The following CCNB1 variants were observed in gnomAD, a reference collection of about 807,000 sequenced individuals.
CCNB1 encodes cyclin B1, also known as G2/mitotic-specific cyclin-B1.
In CCNB1, 26 loss-of-function variants were observed where a neutral mutation model predicts 44.4. That is an observed-to-expected ratio of 0.59 (90% CI 0.43 to 0.81). CCNB1 has a LOEUF of 0.81. Among genes scored for constraint, CCNB1 ranks in the 40% least tolerant of loss-of-function variants. The pLI is 0.00. For missense variants in CCNB1, 477 were observed against 520.9 expected (o/e 0.92, Z 0.82); for synonymous variants, 195 against 181.4 (o/e 1.08, Z -0.60).
chr5:69,174,900 G>T lies in CCNB1; in HGVS notation c.729G>T (p.Met243Ile). The change falls in exon 6 of 9, where the codon ATG becomes ATT. Residue 243 changes from methionine (M) to isoleucine (I), a missense_variant. Coordinates refer to ENST00000256442, the MANE Select transcript of CCNB1 (RefSeq NM_031966.4). ...FMQNNCVPKK[M>I]LQLVGVTAMF... is the part of the protein sequence containing the mutation. The stretch of plus-strand genomic sequence containing the variant: ...AGAATAATTGTGTGCCCAAGAAGAT[G>T]CTGCAGCTGGTTGGTGTCACTGCCA... 1 of 1,614,004 alleles carries T rather than the reference G, an allele frequency of 6.2e-7. No homozygotes were observed. The highest frequency in any genetic ancestry group is 8.5e-7 in the Non-Finnish European group (1 of 1,179,904).
chr5:69,172,867 G>A (rs1410429148), intron 4 of CCNB1, among the ~76,000 whole-genome samples: 5 of 148,772 alleles, frequency 3.4e-5, no homozygotes, highest in African/African-American at 9.9e-5. Context: ...TCTGTCTCCC[G>A]GGTTCACGCC....
At chr5:69,177,055 T>G (rs968639488) in intron 7 of CCNB1, 184 bp from the exon 8 acceptor site, 5 of 444,160 alleles carry the variant, frequency 1.1e-5, no homozygotes, top group East Asian at 3.5e-5. Flanking sequence ...AAAGTGCAAT[T>G]AGGTTTGAGC....
rs1747623857 is a variant in CCNB1 at position 69,177,538 on chromosome 5, G to C, written c.1209G>C (p.Lys403Asn). 2 of 1,611,386 alleles carry C rather than the reference G, an allele frequency of 1.2e-6. No homozygotes were observed. Among genetic ancestry groups the C allele is most frequent in the Non-Finnish European group, 1.7e-6 (2 of 1,178,084 alleles). The change falls in exon 9 of 9, where the codon AAG becomes AAC. Residue 403 changes from lysine (K) to asparagine (N), a missense_variant. Physicochemically the swap from Lys to Asn is moderately conservative, Grantham distance 94. Transcript: ENST00000256442. ...TTGTCTTCCAGACTGTCAAGAACAA[G>C]TATGCCACATCGAAGCATGCTAAGA... is the stretch of plus-strand genomic sequence containing the variant. Reference protein sequence around the residue: ...GLTKHMTVKNKYATSKHAKIS... With the variant: ...GLTKHMTVKNNYATSKHAKIS...
Position 69,168,328 on chromosome 5 carries a change from G to T in CCNB1, c.348G>T (p.Ser116=). ...AGCCTGTTAAAGAAGAAAAACTTTC[G>T]CCTGAGCCTATTTTGGTAAACTTAT... ...EPEPVKEEKL[S]PEPILVDTAS... is the part of the protein sequence containing the mutation. Residue 116 remains serine (S), a synonymous_variant, in exon 3 of 9, where the codon TCG becomes TCT. Coordinates refer to ENST00000256442, the MANE Select transcript of CCNB1 (RefSeq NM_031966.4). 2.5e-6 allele frequency: 4 copies of T among 1,614,114 alleles called. No individual in the cohort carries two copies. The highest frequency in any genetic ancestry group is 3.4e-6 in the Non-Finnish European group (4 of 1,180,000).
Position 69,177,610 on chromosome 5 carries a change from C to T in CCNB1, c.1281C>T (p.Ala427=), listed in dbSNP as rs750532828. The T allele has an allele frequency of 4.3e-6, 7 of 1,611,474 alleles. No individual in the cohort carries two copies. Among genetic ancestry groups the T allele is most frequent in the Non-Finnish European group, 5.1e-6 (6 of 1,177,898 alleles). ...ATTCTGCACTAGTTCAAGATTTAGC[C>T]AAGGCTGTGGCAAAGGTGTAACTTG... ...QLNSALVQDL[A]KAVAKV Residue 427 remains alanine (A), a synonymous_variant, in exon 9 of 9, where the codon GCC becomes GCT. Transcript: ENST00000256442.
In CCNB1 at chr5:69,167,227, C is replaced by T. The variant is rs774670450; in HGVS notation, c.-36C>T. 1.9e-6 allele frequency: 3 copies of T among 1,545,604 alleles called. No individual in the cohort carries two copies. Among genetic ancestry groups the T allele is most frequent in the Admixed American group, 1.9e-5 (1 of 51,984 alleles). The stretch of plus-strand genomic sequence containing the variant: ...TGGTCGGGCCTCCGGTGTTCTGCTT[C>T]TCCCCGCTGAGCTGCTGCCTGGTGA... On this transcript the variant is annotated 5_prime_UTR_variant, in exon 1 of 9. Coordinates refer to ENST00000256442, the MANE Select transcript of CCNB1 (RefSeq NM_031966.4).
Position 69,177,688 on chromosome 5 carries a change from T to A in CCNB1, c.*57T>A. The A allele has an allele frequency of 2.9e-5, 29 of 986,656 alleles. No individual in the cohort carries two copies. The highest frequency in any genetic ancestry group is 4.5e-5 in the Non-Finnish European group (28 of 620,222). 61.1% of individuals were successfully genotyped at this position (986,656 alleles called of 1,614,324 possible). ...CAAATAAAATTGGCACCATGTGCCA[T>A]CTGTACATATTACTGTTGCATTTAC... On this transcript the variant is annotated 3_prime_UTR_variant, in exon 9 of 9. Coordinates refer to ENST00000256442, the MANE Select transcript of CCNB1 (RefSeq NM_031966.4).
At position 69,171,308 on chromosome 5, in the gene CCNB1, A is replaced by T. The variant is rs1350662844; in HGVS notation, c.402A>T (p.Gly134=). The T allele has an allele frequency of 1.9e-6, 3 of 1,613,348 alleles. No homozygotes were observed. The highest frequency in any genetic ancestry group is 1.1e-5 in the South Asian group (1 of 90,822). ...TASPSPMETS[G]CAPAEEDLCQ... ...CTCCAAGCCCAATGGAAACATCTGG[A>T]TGTGCCCCTGCAGAAGAAGACCTGT... is the stretch of plus-strand genomic sequence containing the variant. Residue 134 remains glycine, a synonymous_variant, in exon 4 of 9, where the codon GGA becomes GGT. Coordinates refer to ENST00000256442, the MANE Select transcript of CCNB1 (RefSeq NM_031966.4).
At chr5:69,168,136 A>G (rs749741212) in intron 2 of CCNB1, 37 bp from the exon 3 acceptor site, 11 of 1,611,446 alleles carry the variant, frequency 6.8e-6, no homozygotes, top group Non-Finnish European at 9.3e-6. Flanking sequence ...GTGGCCTTTG[A>G]TGCAGAAACA....
At chr5:69,176,573 T>C (rs1332880300) in intron 7 of CCNB1, among the ~76,000 whole-genome samples, 2 of 150,426 alleles carry the variant, frequency 1.3e-5, no homozygotes, top group Non-Finnish European at 1.5e-5. Flanking sequence ...GGTTTCACCG[T>C]GTTAGCCAGG....
At position 69,174,287 on chromosome 5, in the gene CCNB1, C is replaced by T. The variant is rs756578719; in HGVS notation, c.583C>T (p.Arg195Trp). The change falls in exon 5 of 9, where the codon CGG (arginine) becomes TGG (tryptophan). Residue 195 changes from arginine (R) to tryptophan (W), a missense_variant. Arg to Trp is a moderately radical substitution (Grantham distance 101). Coordinates refer to ENST00000256442, the MANE Select transcript of CCNB1 (RefSeq NM_031966.4). ...QAVRPKYLLG[R>W]EVTGNMRAIL... ...AGTCAGACCAAAATACCTACTGGGT[C>T]GGGAAGTCACTGGAAACATGAGAGC... is the stretch of plus-strand genomic sequence containing the variant. 1.7e-5 allele frequency: 28 copies of T among 1,613,938 alleles called. No individual in the cohort carries two copies. The highest frequency in any genetic ancestry group is 8.0e-5 in the African/African-American group (6 of 74,878).
chr5:69,177,142 C>A, intron 7 of CCNB1, 97 bp from the exon 8 acceptor site: 1 of 660,528 alleles, frequency 1.5e-6, no homozygotes, highest in South Asian at 1.8e-5. Context: ...TATACAGTAC[C>A]CATCTCTTTT....
rs146181241 is a variant in CCNB1, at chr5:69,167,851, C to T, written c.22-57C>T. 470 of 1,494,894 alleles carry T rather than the reference C, an allele frequency of 3.1e-4. 4 individuals carry two copies. The East Asian group carries it at 9.0e-3, about 29-fold the overall frequency. The allele number at this position is 1,494,894 out of a possible 1,614,324, so 92.6% of individuals were successfully genotyped here. ...CTCCTTGTGCCCCACCTTAATTAAC[C>T]CTTGACTTACTCGAGCCTTCGTGGA... On this transcript the variant is annotated intron_variant, in intron 1 of 8. Coordinates refer to ENST00000256442, the MANE Select transcript of CCNB1 (RefSeq NM_031966.4).
At chr5:69,173,174 A>T (rs1747502215) in intron 4 of CCNB1, among the ~76,000 whole-genome samples, 1 of 152,194 alleles carries the variant, frequency 6.6e-6, no homozygotes, top group African/African-American at 2.4e-5. Flanking sequence ...CCAAGGAATT[A>T]GGCAGATAAA....
chr5:69,167,350 T>C, intron 1 of CCNB1, 67 bp downstream of exon 1: 1 of 1,565,082 alleles, frequency 6.4e-7, no homozygotes, highest in Non-Finnish European at 8.7e-7. Context: ...CTGCCTCGCC[T>C]GCGGGAGCCT....
At position 69,168,031 on chromosome 5, in the gene CCNB1, G is replaced by A; in HGVS notation, c.145G>A (p.Gly49Ser). 1 of 1,614,130 alleles carries A rather than the reference G, an allele frequency of 6.2e-7. No individual in the cohort carries two copies. Among genetic ancestry groups the A allele is most frequent in the Non-Finnish European group, 8.5e-7 (1 of 1,180,028 alleles). ...LRPRTALGDIGNKVSEQLQAK... is the reference protein window; with the variant it reads ...LRPRTALGDISNKVSEQLQAK... ...GCCAAGAACAGCTCTTGGGGACATT[G>A]GTAACAAAGTCAGTGAACAACTGCA... The change falls in exon 2 of 9, where the codon GGT becomes AGT. Residue 49 changes from glycine to serine, a missense_variant. Coordinates refer to ENST00000256442, the MANE Select transcript of CCNB1 (RefSeq NM_031966.4).
chr5:69,171,235 C>G (rs1747452372), intron 3 of CCNB1, 35 bp from the exon 4 acceptor site: 4 of 1,551,524 alleles, frequency 2.6e-6, no homozygotes, highest in South Asian at 2.4e-5. Context: ...GTGCTTACTT[C>G]TATTTGCTAT....
rs1279884369 is a variant in CCNB1 at position 69,177,706 on chromosome 5, G to C, written c.*75G>C. 1.2e-6 allele frequency: 1 copy of C among 838,092 alleles called. No homozygotes were observed. 51.9% of individuals were successfully genotyped at this position (838,092 alleles called of 1,614,324 possible). A position where few individuals can be genotyped will look rare whatever the true frequency, so the allele number is the denominator to read the frequency against. On this transcript the variant is annotated 3_prime_UTR_variant, in exon 9 of 9. Coordinates refer to ENST00000256442, the MANE Select transcript of CCNB1 (RefSeq NM_031966.4). ...TGTGCCATCTGTACATATTACTGTT[G>C]CATTTACTTTTAATAAAGCTTGTGG...
intron 3 of CCNB1, among the ~76,000 whole-genome samples, chr5:69,169,086 G>T (rs386640): frequency 0.59 from 89,965 of 151,550 alleles, 27,205 homozygotes; most frequent in African/African-American, 0.71. Context: ...AAAAAAACTT[G>T]TTGAGACAGA....
Sources: allele counts gnomAD v4.1 joint callset (sites outside exome capture counted in the v4.1 genomes callset), GRCh38; gene constraint gnomAD v4.1.1; transcripts MANE v1.5; gene names NCBI Gene and HGNC (gene_info 2026-07-23, HGNC 2026-07-21).